Variants in NR6A1 observed in about 807,000 individuals in gnomAD.
NR6A1 encodes nuclear receptor subfamily 6 group A member 1.
NR6A1 carries 7 observed loss-of-function variants against 59.1 expected under a neutral mutation model. That is an observed-to-expected ratio of 0.12 (90% CI 0.07 to 0.22). The LOEUF is 0.22. Ranked by LOEUF, NR6A1 falls within the 10% of genes least tolerant of loss-of-function variation. The pLI is 1.00. For missense variants in NR6A1, 468 were observed against 611.6 expected (o/e 0.77, Z 2.48); for synonymous variants, 243 against 236.1 (o/e 1.03, Z -0.27).
intron 3 of NR6A1, among the ~76,000 whole-genome samples, chr9:124,547,027 T>C (rs1833620775): frequency 6.6e-6 from 1 of 152,376 alleles, no homozygotes; most frequent in African/African-American, 2.4e-5. Flanking sequence ...TAACAAGTTT[T>C]TCAGCAGGGC....
intron 1 of NR6A1, among the ~76,000 whole-genome samples, chr9:124,743,575 C>T (rs1364839983): frequency 3.3e-5 from 5 of 151,742 alleles, no homozygotes; most frequent in Admixed American, 6.5e-5. Flanking sequence ...GATCAACCTA[C>T]ATCACCTTTC....
At chr9:124,553,573 T>TCG (rs1833844396) in intron 3 of NR6A1, among the ~76,000 whole-genome samples, 1 of 142,766 alleles carries the variant, frequency 7.0e-6, no homozygotes, top group Non-Finnish European at 1.5e-5. Context: ...TTTTTTTTTT[T>TCG]TCGTTTTTTT....
chr9:124,720,509 AT>A (rs1839532880), intron 2 of NR6A1, among the ~76,000 whole-genome samples: 1 of 152,182 alleles, frequency 6.6e-6, no homozygotes, highest in African/African-American at 2.4e-5. Context: ...TTTGAATCTT[AT>A]TTTGCAGTTT....
intron 2 of NR6A1, chr9:124,607,458 T>C (rs575577706): frequency 3.9e-5 from 6 of 152,280 alleles, no homozygotes; most frequent in African/African-American, 1.4e-4. Context: ...ACCCCATCTC[T>C]TTAAAATTAA....
intron 2 of NR6A1, among the ~76,000 whole-genome samples, chr9:124,621,191 T>C (rs899207073): frequency 2.0e-5 from 3 of 152,222 alleles, no homozygotes; most frequent in African/African-American, 7.2e-5. Context: ...CTTTAACTTT[T>C]TGAATAAATG....
chr9:124,571,709 G>A (rs1278279784), intron 2 of NR6A1, among the ~76,000 whole-genome samples: 1 of 152,138 alleles, frequency 6.6e-6, no homozygotes, highest in Non-Finnish European at 1.5e-5. Flanking sequence ...GTGATCATGA[G>A]GGTTAGGGGA....
At chr9:124,680,251 T>C (rs545347877) in intron 2 of NR6A1, among the ~76,000 whole-genome samples, 2 of 152,176 alleles carry the variant, frequency 1.3e-5, no homozygotes, top group African/African-American at 2.4e-5. Flanking sequence ...ATCTGGACAC[T>C]GTTTGGCATG....
At chr9:124,580,356 C>G (rs146865818) in intron 2 of NR6A1, among the ~76,000 whole-genome samples, 2 of 152,148 alleles carry the variant, frequency 1.3e-5, no homozygotes, top group East Asian at 3.9e-4. Flanking sequence ...GAACAGGGAA[C>G]AGATCTGTAG....
intron 2 of NR6A1, among the ~76,000 whole-genome samples, chr9:124,700,663 C>T (rs1447869988): frequency 6.6e-6 from 1 of 151,696 alleles, no homozygotes; most frequent in Non-Finnish European, 1.5e-5. Flanking sequence ...TTTGTTTATC[C>T]ATTCACCAGC....
At chr9:124,693,298 T>C (rs1838624653) in intron 2 of NR6A1, among the ~76,000 whole-genome samples, 2 of 152,194 alleles carry the variant, frequency 1.3e-5, no homozygotes, top group South Asian at 2.1e-4. Flanking sequence ...TTTGTACCAT[T>C]ACTAGCCCAC....
At chr9:124,663,558 T>C (rs1471906812) in intron 2 of NR6A1, among the ~76,000 whole-genome samples, 1 of 152,144 alleles carries the variant, frequency 6.6e-6, no homozygotes, top group Admixed American at 6.5e-5. Context: ...GATATGTATA[T>C]AAACACTGAC....
chr9:124,543,522 C>G (rs1000970047), intron 4 of NR6A1, among the ~76,000 whole-genome samples: 1 of 152,156 alleles, frequency 6.6e-6, no homozygotes, highest in Non-Finnish European at 1.5e-5. Flanking sequence ...AAGGACTGAT[C>G]AAAAAGTCCT....
intron 8 of NR6A1, among the ~76,000 whole-genome samples, chr9:124,525,522 A>AT (rs1375465920): frequency 3.3e-5 from 5 of 151,652 alleles, no homozygotes; most frequent in African/African-American, 1.2e-4. Context: ...TGCTCAACTA[A>AT]TTTTTTAAAT....
chr9:124,553,549 CTT>C (rs780925768), intron 3 of NR6A1, among the ~76,000 whole-genome samples: 2,143 of 47,054 alleles, frequency 0.046, 23 homozygotes, highest in African/African-American at 0.15. Context: ...TTTAGCTTGA[CTT>C]TTTTTTTTTT....
At chr9:124,747,421 C>G (rs1840366449) in intron 1 of NR6A1, among the ~76,000 whole-genome samples, 1 of 152,020 alleles carries the variant, frequency 6.6e-6, no homozygotes, top group African/African-American at 2.4e-5. Context: ...ACACACACAA[C>G]CTTCTCATCC....
chr9:124,719,182 C>T (rs971888670), intron 2 of NR6A1, among the ~76,000 whole-genome samples: 5 of 151,796 alleles, frequency 3.3e-5, no homozygotes, highest in African/African-American at 1.2e-4. Flanking sequence ...TCACTGTAGC[C>T]TCGACCTCCC....
At chr9:124,530,364 TAAAC>T (rs925259532) in intron 7 of NR6A1, among the ~76,000 whole-genome samples, 1 of 152,306 alleles carries the variant, frequency 6.6e-6, no homozygotes, top group African/African-American at 2.4e-5. Context: ...CACCCCTTGA[TAAAC>T]AAAGTTGTTC....
intron 2 of NR6A1, among the ~76,000 whole-genome samples, chr9:124,618,020 G>A (rs888456892): frequency 1.1e-4 from 17 of 152,188 alleles, no homozygotes; most frequent in African/African-American, 3.9e-4. Context: ...CTAAACAGGC[G>A]ATGCATTATG....
In NR6A1 at chr9:124,734,498, G is replaced by A. The variant is rs1273426014; in HGVS notation, c.101-1149C>T. Among the ~76,000 whole-genome samples, 3 of 152,186 alleles carry A rather than the reference G, an allele frequency of 2.0e-5. No homozygotes were observed. In the East Asian group the frequency reaches 5.8e-4, roughly 29 times the overall value. On this transcript the variant is annotated intron_variant, in intron 1 of 9. Transcript: ENST00000487099. ...ACTTGAGGCCAGGAATTCAAGACCA[G>A]CCTGGCCAACAGGGTGAAACCCTGT...
Sources: allele counts gnomAD v4.1 joint callset (sites outside exome capture counted in the v4.1 genomes callset), GRCh38; gene constraint gnomAD v4.1.1; transcripts MANE v1.5; gene names NCBI Gene and HGNC (gene_info 2026-07-23, HGNC 2026-07-21).